The following GRM7 variants were observed in gnomAD, a reference collection of about 807,000 sequenced individuals.
The protein encoded by GRM7 is metabotropic glutamate receptor 7.
GRM7 carries 35 observed loss-of-function variants against 84.5 expected under a neutral mutation model. The observed-to-expected ratio is 0.41, with a 90% CI of 0.32 to 0.55. The LOEUF (loss-of-function observed/expected upper bound fraction) is 0.55. Ranked by LOEUF, GRM7 falls within the 20% of genes least tolerant of loss-of-function variation. The pLI is 0.19. For synonymous variants in GRM7, 487 were observed against 455.1 expected, an observed-to-expected ratio of 1.07 and a Z score of -0.89; for missense variants, 1,003 against 1,194.6, an observed-to-expected ratio of 0.84 and a Z score of 2.36.
At chr3:7,116,863 G>C (rs1693052336) in intron 1 of GRM7, among the ~76,000 whole-genome samples, 1 of 152,118 alleles carries the variant, frequency 6.6e-6, no homozygotes, top group Non-Finnish European at 1.5e-5. Context: ...TTCTCTCTCA[G>C]TGTTCAAGTT....
chr3:7,680,043 T>C lies in GRM7; in HGVS notation c.2452-6T>C. ...GTAATAGTGCCTTGTGTGTTGTGTC[T>C]CCTAGCTCTACATACAAACTACCAC... On this transcript the variant is annotated splice_region_variant and splice_polypyrimidine_tract_variant and intron_variant, in intron 8 of 9. Transcript: ENST00000357716. 1.9e-6 allele frequency: 3 copies of C among 1,613,910 alleles called. No homozygotes were observed. Among genetic ancestry groups the C allele is most frequent in the Non-Finnish European group, 1.7e-6 (2 of 1,179,808 alleles).
intron 7 of GRM7, among the ~76,000 whole-genome samples, chr3:7,502,906 C>G (rs1699927086): frequency 2.0e-5 from 3 of 152,156 alleles, no homozygotes; most frequent in African/African-American, 7.2e-5. Context: ...AGATAAGAAA[C>G]TGTGAGTCCA....
At chr3:7,013,478 T>C (rs1255140971) in intron 1 of GRM7, among the ~76,000 whole-genome samples, 1 of 152,172 alleles carries the variant, frequency 6.6e-6, no homozygotes, top group Non-Finnish European at 1.5e-5. Flanking sequence ...GCTCTCTTCA[T>C]GAAAAAACAA....
chr3:7,334,256 C>T (rs758988235), intron 4 of GRM7, among the ~76,000 whole-genome samples: 8 of 151,990 alleles, frequency 5.3e-5, no homozygotes, highest in Non-Finnish European at 8.8e-5. Context: ...GCAGATTTCT[C>T]GGCAGAAACC....
chr3:7,578,399 CCTT>C lies in GRM7; in HGVS notation c.1516-19_1516-17del, dbSNP rs754436283. On this transcript the variant is annotated intron_variant, in intron 7 of 9. Transcript: ENST00000357716. Reference sequence around the variant, plus strand: ...TCTCTTGAAGAATCTGCCTGATTCACCTTCTTATTTCTTATGTTACAGATAGAA... The same window carrying C: ...TCTCTTGAAGAATCTGCCTGATTCACCTTATTTCTTATGTTACAGATAGAA... 5.3e-6 allele frequency: 8 copies of C among 1,496,860 alleles called. No individual in the cohort carries two copies. In the South Asian group the frequency reaches 6.0e-5, roughly 11 times the overall value. The allele number at this position is 1,496,860 out of a possible 1,614,324, so 92.7% of individuals were successfully genotyped here. A position where few individuals can be genotyped will look rare whatever the true frequency, so the allele number is the denominator to read the frequency against.
At chr3:7,731,546 C>T (rs564383349) in intron 9 of GRM7, among the ~76,000 whole-genome samples, 1 of 152,280 alleles carries the variant, frequency 6.6e-6, no homozygotes, top group East Asian at 1.9e-4. Context: ...ATTTAGGCTA[C>T]AATTTAAATG....
rs139255228 is a variant in GRM7, at chr3:6,877,977, T to A, written c.519+16070T>A. ...TTTTTTTTTTTTACAGATCTGTGGT[T>A]ACAACTCTATCTACAGATATATTTG... On this transcript the variant is annotated intron_variant, in intron 1 of 9. Transcript: ENST00000357716. Among the ~76,000 whole-genome samples the A allele has an allele frequency of 1.0e-3, 152 of 151,866 alleles. 2 individuals are homozygous for A. In the East Asian group the frequency reaches 0.022, roughly 22 times the overall value.
intron 5 of GRM7, among the ~76,000 whole-genome samples, chr3:7,419,029 A>G (rs893114403): frequency 3.9e-5 from 6 of 152,290 alleles, no homozygotes; most frequent in Middle Eastern, 3.4e-3. Context: ...CTAACAATGG[A>G]AATTTTCTGC....
chr3:7,705,177 T>C (rs1448324949), intron 9 of GRM7, among the ~76,000 whole-genome samples: 1 of 152,192 alleles, frequency 6.6e-6, no homozygotes, highest in East Asian at 1.9e-4. Context: ...ATGTCATCCT[T>C]GAATGTGAAG....
chr3:7,120,970 A>G (rs1012083581), intron 1 of GRM7, among the ~76,000 whole-genome samples: 19 of 152,202 alleles, frequency 1.2e-4, no homozygotes, highest in Non-Finnish European at 1.5e-4. Flanking sequence ...CATCACTTAC[A>G]ACACTTTATT....
At chr3:6,970,928 G>A (rs1409329990) in intron 1 of GRM7, among the ~76,000 whole-genome samples, 1 of 152,044 alleles carries the variant, frequency 6.6e-6, no homozygotes, top group Non-Finnish European at 1.5e-5. Flanking sequence ...GTTGCAGTGA[G>A]CCAAGATCGT....
At chr3:7,465,435 A>C (rs3804965) in intron 7 of GRM7, among the ~76,000 whole-genome samples, 1 of 152,088 alleles carries the variant, frequency 6.6e-6, no homozygotes, top group South Asian at 2.1e-4. Context: ...AAAAAAGAAA[A>C]TAAAAGTTAA....
intron 7 of GRM7, among the ~76,000 whole-genome samples, chr3:7,572,452 C>T (rs569138742): frequency 1.3e-5 from 2 of 152,090 alleles, no homozygotes; most frequent in East Asian, 1.9e-4. Context: ...ATCTAGGATC[C>T]CCTGGGGCTT....
intron 7 of GRM7, among the ~76,000 whole-genome samples, chr3:7,554,907 C>G (rs1415306156): frequency 1.3e-5 from 2 of 152,150 alleles, no homozygotes; most frequent in Admixed American, 1.3e-4. Flanking sequence ...AAATAGAGTC[C>G]CAAGTTGCCT....
intron 2 of GRM7, among the ~76,000 whole-genome samples, chr3:7,172,388 T>G (rs555676031): frequency 6.6e-6 from 1 of 152,252 alleles, no homozygotes; most frequent in South Asian, 2.1e-4. Flanking sequence ...TCTATGACAC[T>G]GTGGCCTTAA....
intron 9 of GRM7, among the ~76,000 whole-genome samples, chr3:7,685,070 G>A (rs1700523490): frequency 6.6e-6 from 1 of 152,128 alleles, no homozygotes; most frequent in African/African-American, 2.4e-5. Context: ...GTATGTTCAT[G>A]GCAAACTTGT....
intron 8 of GRM7, among the ~76,000 whole-genome samples, chr3:7,614,512 GTTC>G (rs911525330): frequency 5.3e-5 from 8 of 152,070 alleles, no homozygotes; most frequent in Middle Eastern, 3.2e-3. Flanking sequence ...TTTCAACTGT[GTTC>G]TTCTACTTAA....
chr3:7,343,674 T>C (rs1692755881), intron 4 of GRM7, among the ~76,000 whole-genome samples: 1 of 152,172 alleles, frequency 6.6e-6, no homozygotes, highest in Non-Finnish European at 1.5e-5. Context: ...AGCAATGTTT[T>C]TTAACTTTGC....
chr3:7,185,924 T>A (rs1019133025), intron 2 of GRM7, among the ~76,000 whole-genome samples: 2 of 152,228 alleles, frequency 1.3e-5, no homozygotes, highest in Non-Finnish European at 2.9e-5. Flanking sequence ...GCAAATTTTG[T>A]TTGTAAGCTC....
Sources: allele counts gnomAD v4.1 joint callset (sites outside exome capture counted in the v4.1 genomes callset), GRCh38; gene constraint gnomAD v4.1.1; transcripts MANE v1.5; gene names NCBI Gene and HGNC (gene_info 2026-07-23, HGNC 2026-07-21).